Variants in PARN observed in about 807,000 individuals in gnomAD.
The protein encoded by PARN is poly(A)-specific ribonuclease PARN.
Under a neutral mutation model 102.8 loss-of-function variants are expected in PARN, and 71 were observed. That is an observed-to-expected ratio of 0.69 (90% CI 0.57 to 0.84). The LOEUF (loss-of-function observed/expected upper bound fraction) is 0.84. Among genes scored for constraint, PARN ranks in the 40% least tolerant of loss-of-function variants. PARN has a pLI of 0.00. For missense variants in PARN, 782 were observed against 760.9 expected, an observed-to-expected ratio of 1.03 and a Z score of -0.33; for synonymous variants, 261 against 252.9, an observed-to-expected ratio of 1.03 and a Z score of -0.30.
rs35329440 is a variant in PARN, at chr16:14,593,492, T to TAAAAAAAAAAAAAAAA, written c.841-130_841-115dup. On this transcript the variant is annotated intron_variant, in intron 12 of 23. Coordinates refer to ENST00000437198, the MANE Select transcript of PARN (RefSeq NM_002582.4). Reference sequence around the variant, plus strand: ...TTGTACTAAACTCGCTTTCCAGACTTAAAAAAAAAAAAAAAAAAAAAAAAA... The same window carrying TAAAAAAAAAAAAAAAA: ...TTGTACTAAACTCGCTTTCCAGACTTAAAAAAAAAAAAAAAAAAAAAAAAAAAAAAAAAAAAAAAAA... 8 of 31,590 alleles carry TAAAAAAAAAAAAAAAA rather than the reference T, an allele frequency of 2.5e-4. 2 individuals are homozygous for TAAAAAAAAAAAAAAAA. Among genetic ancestry groups the TAAAAAAAAAAAAAAAA allele is most frequent in the Admixed American group, 1.7e-3 (3 of 1,722 alleles). 2.0% of individuals were successfully genotyped at this position (31,590 alleles called of 1,614,324 possible).
chr16:14,567,433 C>T lies in PARN; in HGVS notation c.1263-11724G>A, dbSNP rs1024201952. On this transcript the variant is annotated intron_variant, in intron 18 of 23. Transcript: ENST00000437198. ...CTTTATGATTAAAGGGTAATATCAA[C>T]AATCATACCACTGTCCACATGCAGC... Among the ~76,000 whole-genome samples the T allele has an allele frequency of 3.9e-5, 6 of 152,244 alleles. No individual in the cohort carries two copies. In the East Asian group the frequency reaches 5.8e-4, roughly 15 times the overall value.
At chr16:14,451,971 G>A (rs774836378) in intron 22 of PARN, among the ~76,000 whole-genome samples, 5 of 148,944 alleles carry the variant, frequency 3.4e-5, no homozygotes, top group Admixed American at 6.7e-5. Context: ...AGGATTGCTT[G>A]AGTCTGGGAG....
At chr16:14,531,896 C>CT (rs140038314) in intron 21 of PARN, among the ~76,000 whole-genome samples, 7 of 142,810 alleles carry the variant, frequency 4.9e-5, no homozygotes, top group Non-Finnish European at 3.1e-5. Flanking sequence ...GATCCCATTT[C>CT]TTTAAAAAAA....
intron 21 of PARN, among the ~76,000 whole-genome samples, chr16:14,519,341 TGGAGGGGAGG>T (rs1209638046): frequency 1.0e-3 from 6 of 5,720 alleles, no homozygotes; most frequent in Non-Finnish European, 2.1e-3. Context: ...GAGTGGAGGG[TGGAGGGGAGG>T]GGAGGGGAGG....
intron 13 of PARN, among the ~76,000 whole-genome samples, chr16:14,592,447 G>A (rs1046106743): frequency 3.9e-5 from 6 of 152,200 alleles, no homozygotes; most frequent in African/African-American, 7.2e-5. Flanking sequence ...AAAGAGTGGA[G>A]CGCAGAGTGG....
chr16:14,523,442 A>T (rs756998615), intron 21 of PARN, among the ~76,000 whole-genome samples: 2 of 152,344 alleles, frequency 1.3e-5, no homozygotes, highest in Non-Finnish European at 2.9e-5. Flanking sequence ...GCAAGACTCA[A>T]CAGATAGCAC....
At position 14,575,597 on chromosome 16, in the gene PARN, G is replaced by A. The variant is rs144443255; in HGVS notation, c.1262+5277C>T. ...TAGCCTGTACCCCCATTGTATCTAGGAAGTAACTAACTTGCTTGTGATTTT... is the reference window on the plus strand; with the variant it reads ...TAGCCTGTACCCCCATTGTATCTAGAAAGTAACTAACTTGCTTGTGATTTT... On this transcript the variant is annotated intron_variant, in intron 18 of 23. Coordinates refer to ENST00000437198, the MANE Select transcript of PARN (RefSeq NM_002582.4). Among the ~76,000 whole-genome samples, 573 of 152,240 alleles carry A rather than the reference G, an allele frequency of 3.8e-3. 5 individuals are homozygous for A. Among genetic ancestry groups the A allele is most frequent in the African/African-American group, 0.013 (541 of 41,536 alleles).
intron 13 of PARN, among the ~76,000 whole-genome samples, chr16:14,589,038 G>C (rs1347530640): frequency 2.0e-5 from 3 of 151,858 alleles, no homozygotes; most frequent in Non-Finnish European, 4.4e-5. Context: ...AAATTAGCTG[G>C]GCATGGTGGC....
chr16:14,612,984 C>T (rs2151800745), intron 6 of PARN, among the ~76,000 whole-genome samples: 1 of 149,130 alleles, frequency 6.7e-6, no homozygotes, highest in South Asian at 2.2e-4. Flanking sequence ...TTGAGATATA[C>T]ATTTAGTTAT....
At chr16:14,582,677 T>C (rs1250455354) in intron 16 of PARN, among the ~76,000 whole-genome samples, 1 of 151,928 alleles carries the variant, frequency 6.6e-6, no homozygotes, top group Non-Finnish European at 1.5e-5. Flanking sequence ...CCACAATAGA[T>C]GATCCAGAGT....
intron 18 of PARN, among the ~76,000 whole-genome samples, chr16:14,559,489 C>A (rs1290101724): frequency 6.6e-6 from 1 of 151,654 alleles, no homozygotes; most frequent in Non-Finnish European, 1.5e-5. Flanking sequence ...TAGAGGCATG[C>A]AATGTGAAAT....
intron 22 of PARN, among the ~76,000 whole-genome samples, chr16:14,462,206 T>G (rs1962024881): frequency 6.6e-6 from 1 of 152,180 alleles, no homozygotes; most frequent in Non-Finnish European, 1.5e-5. Flanking sequence ...GCTGTATGCA[T>G]TCTTTCAAAG....
chr16:14,601,396 A>G (rs1970855313), intron 11 of PARN, among the ~76,000 whole-genome samples: 1 of 152,058 alleles, frequency 6.6e-6, no homozygotes, highest in Non-Finnish European at 1.5e-5. Flanking sequence ...ACTCAGAGTG[A>G]CCAAATTCAT....
chr16:14,531,295 G>T (rs1294197948), intron 21 of PARN, among the ~76,000 whole-genome samples: 2 of 151,868 alleles, frequency 1.3e-5, no homozygotes, highest in Non-Finnish European at 2.9e-5. Context: ...CAGGGAGGCA[G>T]AGGTTGCAGT....
At chr16:14,619,433 T>A (rs1192870089) in intron 5 of PARN, among the ~76,000 whole-genome samples, 1 of 150,794 alleles carries the variant, frequency 6.6e-6, no homozygotes, top group Non-Finnish European at 1.5e-5. Flanking sequence ...AAGACCCCAT[T>A]TCAATTAAAA....
chr16:14,608,386 T>G (rs972783786), intron 8 of PARN, 67 bp from the exon 9 acceptor site: 12 of 1,007,152 alleles, frequency 1.2e-5, no homozygotes, highest in Non-Finnish European at 4.5e-6. Context: ...GATCAAGCAT[T>G]TGTTGAGAAG....
chr16:14,580,175 T>C (rs891276887), intron 18 of PARN, among the ~76,000 whole-genome samples: 2 of 152,178 alleles, frequency 1.3e-5, no homozygotes, highest in Non-Finnish European at 2.9e-5. Flanking sequence ...TTTCACCGTG[T>C]TAGCCAGGAT....
At chr16:14,592,623 A>G (rs2151766162) in intron 13 of PARN, among the ~76,000 whole-genome samples, 1 of 152,294 alleles carries the variant, frequency 6.6e-6, no homozygotes, top group East Asian at 1.9e-4. Flanking sequence ...GCAGCCTAGC[A>G]AGGGCGATCA....
chr16:14,570,285 G>A (rs1968708706), intron 18 of PARN, among the ~76,000 whole-genome samples: 1 of 124,184 alleles, frequency 8.1e-6, no homozygotes, highest in Non-Finnish European at 1.6e-5. Context: ...TCACACCACT[G>A]CGCTCCAGCC....
Sources: gnomAD v4.1 joint callset for allele counts (sites outside exome capture counted in the v4.1 genomes callset) on GRCh38, gnomAD v4.1.1 for gene constraint, MANE v1.5 for transcripts, NCBI Gene and HGNC (gene_info 2026-07-23, HGNC 2026-07-21) for gene names.